Variants in TMEM120B observed in about 807,000 individuals in gnomAD.
The protein encoded by TMEM120B is transmembrane protein 120B.
TMEM120B carries 31 observed loss-of-function variants against 55.5 expected under a neutral mutation model. That is an observed-to-expected ratio of 0.56 (90% CI 0.42 to 0.75). TMEM120B has a LOEUF of 0.75. Ranked by LOEUF, TMEM120B falls within the 30% of genes least tolerant of loss-of-function variation. The probability of loss-of-function intolerance (pLI) is 0.00; values close to 1 mark genes in which losing one functional copy is unlikely to be tolerated. For synonymous variants in TMEM120B, 203 were observed against 176.3 expected (o/e 1.15, Z -1.20); for missense variants, 399 against 425.5 (o/e 0.94, Z 0.55).
At chr12:121,745,486 G>A (rs1873052912) in intron 2 of TMEM120B, among the ~76,000 whole-genome samples, 1 of 151,966 alleles carries the variant, frequency 6.6e-6, no homozygotes, top group South Asian at 2.1e-4. Context: ...TGCCTCCCGG[G>A]TTCAAGCAAT....
At position 121,717,697 on chromosome 12, in the gene TMEM120B, G is replaced by T. The variant is rs150838117; in HGVS notation, c.69+4733G>T. ...ATTTGAGACGGAGTCTCGCTCTGTT[G>T]CCCAGGCTGGAGTGCAGTGGCTCGA... On this transcript the variant is annotated intron_variant, in intron 1 of 11. Transcript: ENST00000449592. Among the ~76,000 whole-genome samples, 737 of 152,256 alleles carry T rather than the reference G, an allele frequency of 4.8e-3. 13 individuals are homozygous for T. Among genetic ancestry groups the T allele is most frequent in the African/African-American group, 0.016 (669 of 41,548 alleles).
chr12:121,770,483 A>T (rs1874004460), intron 6 of TMEM120B, among the ~76,000 whole-genome samples: 1 of 152,292 alleles, frequency 6.6e-6, no homozygotes, highest in Admixed American at 6.5e-5. Flanking sequence ...CTGAGGTGGC[A>T]GCAGGCAGGC....
In TMEM120B at chr12:121,775,024, G is replaced by C; in HGVS notation, c.838-38G>C. 6.2e-7 allele frequency: 1 copy of C among 1,611,882 alleles called. No homozygotes were observed. Among genetic ancestry groups the C allele is most frequent in the Non-Finnish European group, 8.5e-7 (1 of 1,178,874 alleles). On this transcript the variant is annotated intron_variant, in intron 10 of 11. Coordinates refer to ENST00000449592, the MANE Select transcript of TMEM120B (RefSeq NM_001080825.2). The surrounding 1 kb of genome is among the most constrained non-coding windows in gnomAD (Gnocchi z 4.3). The stretch of plus-strand genomic sequence containing the variant: ...TGGCTTTCTACGTGGCCGGCCAGGG[G>C]AGTCTGGTGGGTGAGCAGCGCCTGC...
At chr12:121,770,270 C>G (rs1401115822) in intron 6 of TMEM120B, among the ~76,000 whole-genome samples, 2 of 152,100 alleles carry the variant, frequency 1.3e-5, no homozygotes, top group East Asian at 3.9e-4. Flanking sequence ...GGCCTTTTCT[C>G]TGTGCACAAA....
intron 1 of TMEM120B, among the ~76,000 whole-genome samples, chr12:121,734,931 A>G (rs1441061347): frequency 6.6e-6 from 1 of 151,894 alleles, no homozygotes; most frequent in South Asian, 2.1e-4. Flanking sequence ...GAAAAAAAAA[A>G]GGACATTAAT....
At chr12:121,722,679 A>G (rs1013761833) in intron 1 of TMEM120B, among the ~76,000 whole-genome samples, 6 of 152,214 alleles carry the variant, frequency 3.9e-5, no homozygotes, top group Admixed American at 2.6e-4. Flanking sequence ...TTAATGATAC[A>G]TTGTATGTAG....
chr12:121,750,101 T>G (rs923451505), intron 3 of TMEM120B, among the ~76,000 whole-genome samples: 10 of 151,978 alleles, frequency 6.6e-5, no homozygotes, highest in African/African-American at 2.4e-4. Context: ...CTATGCTTAG[T>G]CACCTGCTCA....
chr12:121,746,006 G>A (rs940199868), intron 2 of TMEM120B, among the ~76,000 whole-genome samples: 1 of 145,420 alleles, frequency 6.9e-6, no homozygotes, highest in Non-Finnish European at 1.5e-5. Flanking sequence ...GATTATAGGG[G>A]CCTGCCACCA....
intron 1 of TMEM120B, among the ~76,000 whole-genome samples, chr12:121,713,722 G>A (rs947797459): frequency 3.3e-5 from 5 of 152,146 alleles, no homozygotes; most frequent in African/African-American, 1.2e-4. Flanking sequence ...TTCCTGCTAA[G>A]AGGTTCAGAG....
intron 1 of TMEM120B, among the ~76,000 whole-genome samples, chr12:121,728,609 C>T (rs374153705): frequency 2.0e-5 from 3 of 152,064 alleles, no homozygotes; most frequent in East Asian, 1.9e-4. Context: ...CATGAGCCAC[C>T]GCGCCCGGCC....
chr12:121,775,064 C>G lies in TMEM120B; in HGVS notation c.840C>G (p.Phe280Leu). 1.2e-6 allele frequency: 2 copies of G among 1,611,686 alleles called. No homozygotes were observed. The highest frequency in any genetic ancestry group is 1.7e-6 in the Non-Finnish European group (2 of 1,179,488). The change falls in exon 11 of 12, where the codon TTC (phenylalanine) becomes TTG (leucine). Residue 280 changes from phenylalanine (F) to leucine (L), a missense_variant and splice_region_variant. Physicochemically the swap from Phe to Leu is conservative, Grantham distance 22. Coordinates refer to ENST00000449592, the MANE Select transcript of TMEM120B (RefSeq NM_001080825.2). This position sits in a 1 kb window ranked among gnomAD's most constrained non-coding sequence, Gnocchi z 4.3. ...GCAGCGCCTGCCTTCCTCTCCAGTT[C>G]TGGCAGCTCTACAATGCCGTCACGC... ...FLLPFLFCGH[F>L]WQLYNAVTLF...
In TMEM120B at chr12:121,775,657, C is replaced by T. The variant is rs776750983; in HGVS notation, c.955C>T (p.Leu319=). 2 of 1,614,070 alleles carry T rather than the reference C, an allele frequency of 1.2e-6. No individual in the cohort carries two copies. Among genetic ancestry groups the T allele is most frequent in the South Asian group, 1.1e-5 (1 of 91,088 alleles). The change falls in exon 12 of 12, where the codon CTG becomes TTG. Residue 319 remains leucine, a synonymous_variant. Coordinates refer to ENST00000449592, the MANE Select transcript of TMEM120B (RefSeq NM_001080825.2). The surrounding 1 kb of genome is among the most constrained non-coding windows in gnomAD (Gnocchi z 4.3). ...TFLILFLGNF[L]TTLKVVHAKL... ...CCTCATCCTCTTCCTCGGCAACTTC[C>T]TGACCACGCTCAAAGTCGTGCATGC...
intron 2 of TMEM120B, among the ~76,000 whole-genome samples, chr12:121,744,442 T>C (rs1363670781): frequency 1.3e-5 from 2 of 152,218 alleles, no homozygotes; most frequent in African/African-American, 4.8e-5. Context: ...GGTGCTGTTA[T>C]AGGAAGGTGC....
rs185992765 is a variant in TMEM120B, at chr12:121,739,460, A to G, written c.70-4169A>G. 4.4e-4 allele frequency among the ~76,000 whole-genome samples: 66 copies of G among 151,176 alleles called. 1 individual carries two copies. The East Asian group carries it at 6.6e-3, about 15-fold the overall frequency. ...TGGGGTTAGGGGTGCCAATCAGTCA[A>G]AAAGCCAAATATGTAACTTCTTTTT... On this transcript the variant is annotated intron_variant, in intron 1 of 11. Transcript: ENST00000449592.
At chr12:121,774,574 G>C in intron 9 of TMEM120B, 84 bp from the exon 10 acceptor site, 4 of 1,347,506 alleles carry the variant, frequency 3.0e-6, no homozygotes, top group South Asian at 2.4e-5. Context: ...AGGGTGACTG[G>C]TGTGGCTGGG....
At chr12:121,754,236 C>T (rs1302691001) in intron 5 of TMEM120B, among the ~76,000 whole-genome samples, 2 of 151,464 alleles carry the variant, frequency 1.3e-5, no homozygotes, top group African/African-American at 4.8e-5. Flanking sequence ...ATCTGTACTA[C>T]TCCTCATGTG....
At chr12:121,724,074 G>A (rs1894845773) in intron 1 of TMEM120B, among the ~76,000 whole-genome samples, 1 of 109,742 alleles carries the variant, frequency 9.1e-6, no homozygotes, top group African/African-American at 3.6e-5. Flanking sequence ...GTCTTGCACT[G>A]TCACCCAGGC....
chr12:121,774,652 C>G lies in TMEM120B; in HGVS notation c.773-6C>G. On this transcript the variant is annotated splice_region_variant and splice_polypyrimidine_tract_variant and intron_variant, in intron 9 of 11. Transcript: ENST00000449592. The stretch of plus-strand genomic sequence containing the variant: ...GCGGGTCCTTTTTCTTCCCTCCTCT[C>G]CACAGAAGGGTTCCAGTCCTGGATG... The G allele has an allele frequency of 6.2e-7, 1 of 1,613,912 alleles. No individual in the cohort carries two copies. The highest frequency in any genetic ancestry group is 8.5e-7 in the Non-Finnish European group (1 of 1,179,856).
intron 4 of TMEM120B, among the ~76,000 whole-genome samples, chr12:121,751,019 C>G: frequency 8.1e-6 from 1 of 123,012 alleles, no homozygotes; most frequent in African/African-American, 3.3e-5. Flanking sequence ...CACCCCACAC[C>G]CAACACCCAC....
Sources: gnomAD v4.1 joint callset for allele counts (sites outside exome capture counted in the v4.1 genomes callset) on GRCh38, gnomAD v4.1.1 for gene constraint, Gnocchi (gnomAD v3.1) non-coding constraint, MANE v1.5 for transcripts, NCBI Gene and HGNC (gene_info 2026-07-23, HGNC 2026-07-21) for gene names.